The following CSMD1 variants were observed in gnomAD, a reference collection of about 807,000 sequenced individuals.
CSMD1 encodes the protein CUB and sushi domain-containing protein 1.
Under a neutral mutation model 417.5 loss-of-function variants are expected in CSMD1, and 213 were observed. The ratio of observed to expected loss-of-function variants is 0.51; its 90% CI spans 0.46 to 0.57. CSMD1 has a LOEUF of 0.57. Among genes scored for constraint, CSMD1 ranks in the 20% least tolerant of loss-of-function variants. The pLI is 0.00. For missense variants in CSMD1, 6,923 were observed against 4,529.7 expected (o/e 1.53, Z -15.17); for synonymous variants, 2,862 against 1,736.8 (o/e 1.65, Z -16.11).
chr8:4,132,996 C>T (rs888959351), intron 3 of CSMD1, among the ~76,000 whole-genome samples: 2 of 152,086 alleles, frequency 1.3e-5, no homozygotes, highest in Non-Finnish European at 2.9e-5. Flanking sequence ...TGCAGTGGCG[C>T]GATCTCGGCT....
At chr8:4,981,645 C>A (rs1027427840) in intron 1 of CSMD1, among the ~76,000 whole-genome samples, 7 of 152,226 alleles carry the variant, frequency 4.6e-5, no homozygotes, top group African/African-American at 9.6e-5. Flanking sequence ...GTGAGATGAT[C>A]TTTTTATATT....
chr8:4,374,899 G>A (rs1015044574), intron 3 of CSMD1, among the ~76,000 whole-genome samples: 2 of 134,550 alleles, frequency 1.5e-5, no homozygotes, highest in African/African-American at 5.6e-5. Context: ...AAGAGCCAAT[G>A]ATCTGTTCCA....
chr8:3,904,675 C>G (rs1195789736), intron 5 of CSMD1, among the ~76,000 whole-genome samples: 1 of 132,772 alleles, frequency 7.5e-6, no homozygotes, highest in African/African-American at 3.0e-5. Flanking sequence ...CTTACTCTGT[C>G]ACCCCGGTTG....
intron 53 of CSMD1, among the ~76,000 whole-genome samples, chr8:2,998,420 C>T (rs1048690679): frequency 3.9e-5 from 6 of 152,188 alleles, no homozygotes; most frequent in African/African-American, 1.2e-4. Context: ...CTGCCAAACA[C>T]GCTTTCTTTA....
intron 52 of CSMD1, among the ~76,000 whole-genome samples, chr8:3,005,058 G>C (rs959015116): frequency 8.5e-5 from 13 of 152,196 alleles, no homozygotes; most frequent in Admixed American, 5.9e-4. Context: ...GGAATTGCTT[G>C]AACCCGGGAG....
intron 5 of CSMD1, among the ~76,000 whole-genome samples, chr8:3,874,986 C>T (rs78958106): frequency 0.06 from 9,184 of 152,116 alleles, 653 homozygotes; most frequent in African/African-American, 0.16. Flanking sequence ...GCAGGATGGA[C>T]GTCTGGCTGC....
chr8:3,570,835 G>A lies in CSMD1; in HGVS notation c.1344+4110C>T, dbSNP rs190520209. Among the ~76,000 whole-genome samples the A allele has an allele frequency of 9.9e-5, 15 of 152,234 alleles. No homozygotes were observed. The East Asian group carries it at 1.2e-3, about 12-fold the overall frequency. ...GGACGACAAGGAGTTTCACTTTCCG[G>A]GATCTTGACTTCCTCTCTGTCAAGT... On this transcript the variant is annotated intron_variant, in intron 10 of 69. Transcript: ENST00000635120.
At chr8:3,723,243 A>G (rs917670638) in intron 6 of CSMD1, among the ~76,000 whole-genome samples, 1 of 152,126 alleles carries the variant, frequency 6.6e-6, no homozygotes, top group African/African-American at 2.4e-5. Flanking sequence ...CCATCCATCA[A>G]CAATGCAACG....
intron 4 of CSMD1, among the ~76,000 whole-genome samples, chr8:3,999,145 T>G (rs960908221): frequency 1.7e-4 from 26 of 151,882 alleles, no homozygotes; most frequent in African/African-American, 6.0e-4. Flanking sequence ...CCTCCTTTCT[T>G]TCTTCCTTTT....
At chr8:4,159,179 G>T (rs1170938764) in intron 3 of CSMD1, among the ~76,000 whole-genome samples, 1 of 152,082 alleles carries the variant, frequency 6.6e-6, no homozygotes, top group African/African-American at 2.4e-5. Flanking sequence ...GCCTCCCAAA[G>T]TGCTGGGATT....
chr8:4,801,216 C>A (rs1049870503), intron 1 of CSMD1, among the ~76,000 whole-genome samples: 28 of 152,182 alleles, frequency 1.8e-4, no homozygotes, highest in African/African-American at 6.8e-4. Flanking sequence ...TTAGCTAAAT[C>A]TTATTGCGGC....
intron 6 of CSMD1, among the ~76,000 whole-genome samples, chr8:3,715,058 C>G (rs1362697689): frequency 6.6e-6 from 1 of 151,988 alleles, no homozygotes; most frequent in Non-Finnish European, 1.5e-5. Flanking sequence ...ACATAATCCC[C>G]TTCCCCTCCA....
intron 2 of CSMD1, among the ~76,000 whole-genome samples, chr8:4,614,085 T>C (rs557316819): frequency 6.6e-6 from 1 of 152,186 alleles, no homozygotes; most frequent in Non-Finnish European, 1.5e-5. Context: ...GACAGTTTAC[T>C]GGCAAGCCAA....
rs1272318497 is a variant in CSMD1, at chr8:2,998,014, G to C, written c.8374C>G (p.Arg2792Gly). 7 of 1,613,044 alleles carry C rather than the reference G, an allele frequency of 4.3e-6. 1 individual carries two copies. Among genetic ancestry groups the C allele is most frequent in the Admixed American group, 3.3e-5 (2 of 59,966 alleles). ...GQWSSPLPTC[R>G]VVNCSDPGFV... ...CATTCCTGGATGCTGTTCCTACCTCGACACGTGGGCAGAGGGCTACTCCAC... is the reference window on the plus strand; with the variant it reads ...CATTCCTGGATGCTGTTCCTACCTCCACACGTGGGCAGAGGGCTACTCCAC... The change falls in exon 54 of 70, where the codon CGA becomes GGA. Residue 2792 changes from arginine (R) to glycine (G), a missense_variant. Physicochemically the swap from Arg to Gly is moderately radical, Grantham distance 125. Transcript: ENST00000635120.
At position 3,040,903 on chromosome 8, in the gene CSMD1, T is replaced by G. The variant is rs1254754774; in HGVS notation, c.7661-11390A>C. On this transcript the variant is annotated intron_variant, in intron 50 of 69. Coordinates refer to ENST00000635120, the MANE Select transcript of CSMD1 (RefSeq NM_033225.6). ...TGAGTAATATTTTCATATAAAACAT[T>G]TAATGGAAATTGTTTGCAGCATCAT... Among the ~76,000 whole-genome samples the G allele has an allele frequency of 3.9e-5, 6 of 152,340 alleles. No homozygotes were observed. In the South Asian group the frequency reaches 1.0e-3, roughly 26 times the overall value.
At chr8:4,321,099 G>C (rs1430560869) in intron 3 of CSMD1, among the ~76,000 whole-genome samples, 6 of 152,016 alleles carry the variant, frequency 3.9e-5, no homozygotes, top group South Asian at 2.1e-4. Context: ...TTGAGTTTTT[G>C]TCTAGACTCT....
At chr8:3,840,023 G>A (rs550837338) in intron 5 of CSMD1, among the ~76,000 whole-genome samples, 1 of 152,120 alleles carries the variant, frequency 6.6e-6, no homozygotes, top group Non-Finnish European at 1.5e-5. Context: ...GCTCCTAAGA[G>A]TCCTATGTTT....
At chr8:4,448,086 C>G (rs1348993409) in intron 2 of CSMD1, among the ~76,000 whole-genome samples, 1 of 152,196 alleles carries the variant, frequency 6.6e-6, no homozygotes, top group Non-Finnish European at 1.5e-5. Flanking sequence ...AGTGGAAATT[C>G]TGTTCCCTTC....
chr8:3,338,252 G>A (rs1461994920), intron 23 of CSMD1, among the ~76,000 whole-genome samples: 1 of 152,162 alleles, frequency 6.6e-6, no homozygotes, highest in East Asian at 1.9e-4. Context: ...TGGCATCCAC[G>A]CCTCTATGCC....
Sources: allele counts gnomAD v4.1 joint callset (sites outside exome capture counted in the v4.1 genomes callset), GRCh38; gene constraint gnomAD v4.1.1; transcripts MANE v1.5; gene names NCBI Gene and HGNC (gene_info 2026-07-23, HGNC 2026-07-21).